C2CD2: variants seen among roughly 807,000 people sequenced by gnomAD.
The protein encoded by C2CD2 is C2 domain-containing protein 2.
Under a neutral mutation model 74.3 loss-of-function variants are expected in C2CD2, and 43 were observed. The observed-to-expected ratio is 0.58, with a 90% CI of 0.45 to 0.75. The LOEUF (loss-of-function observed/expected upper bound fraction) is 0.75, where lower values mean the gene tolerates loss of function less well. Among genes scored for constraint, C2CD2 ranks in the 30% least tolerant of loss-of-function variants. The pLI is 0.00. For synonymous variants in C2CD2, 422 were observed against 390.7 expected (o/e 1.08, Z -0.94); for missense variants, 801 against 916.3 (o/e 0.87, Z 1.63).
chr21:41,944,234 C>T (rs1038761213), intron 1 of C2CD2, among the ~76,000 whole-genome samples: 1 of 152,128 alleles, frequency 6.6e-6, no homozygotes, highest in African/African-American at 2.4e-5. Context: ...AGTTTGCAGC[C>T]GGGTGCCACG....
At chr21:41,946,491 C>G (rs2065398715) in intron 1 of C2CD2, among the ~76,000 whole-genome samples, 1 of 152,168 alleles carries the variant, frequency 6.6e-6, no homozygotes, top group Non-Finnish European at 1.5e-5. Flanking sequence ...CTTTCTCCCC[C>G]TCCTGCTCTG....
intron 3 of C2CD2, among the ~76,000 whole-genome samples, chr21:41,919,952 G>A (rs995977368): frequency 4.6e-5 from 7 of 152,282 alleles, no homozygotes; most frequent in African/African-American, 9.6e-5. Context: ...GGGGGAGCAC[G>A]GGAGAAGAGG....
intron 3 of C2CD2, among the ~76,000 whole-genome samples, chr21:41,919,986 C>A (rs1223443599): frequency 6.6e-6 from 1 of 152,208 alleles, no homozygotes; most frequent in Non-Finnish European, 1.5e-5. Context: ...GACGTGAGGA[C>A]TGCAGGCATC....
Position 41,926,754 on chromosome 21 carries a change from C to T in C2CD2, c.379-4669G>A. 3.4e-6 allele frequency: 1 copy of T among 294,904 alleles called. No homozygotes were observed. The highest frequency in any genetic ancestry group is 5.0e-6 in the Non-Finnish European group (1 of 198,694). 18.3% of individuals were successfully genotyped at this position (294,904 alleles called of 1,614,324 possible). ...AGCTTCCTGTACAGCTGCCTCGGCT[C>T]CTTCTCTTAGAACACTCTAGAGAAC... On this transcript the variant is annotated intron_variant, in intron 2 of 13. Coordinates refer to ENST00000380486, the MANE Select transcript of C2CD2 (RefSeq NM_015500.2). The surrounding 1 kb of genome is among the most constrained non-coding windows in gnomAD (Gnocchi z 8.0).
In C2CD2 at chr21:41,946,612, C is replaced by T. The variant is rs73904791; in HGVS notation, c.280-4367G>A. Among the ~76,000 whole-genome samples the T allele has an allele frequency of 7.6e-4, 116 of 152,302 alleles. 1 individual carries two copies. Among genetic ancestry groups the T allele is most frequent in the African/African-American group, 2.8e-3 (115 of 41,560 alleles). On this transcript the variant is annotated intron_variant, in intron 1 of 13. Coordinates refer to ENST00000380486, the MANE Select transcript of C2CD2 (RefSeq NM_015500.2). ...ACAGCAGAACCATCAGCCAATTAAA[C>T]CTCATTTCTTATAAACCACCAGTCT...
chr21:41,904,324 C>T (rs1483961330), intron 11 of C2CD2, among the ~76,000 whole-genome samples: 2 of 68,026 alleles, frequency 2.9e-5, no homozygotes, highest in South Asian at 5.9e-4. Context: ...GAGAAATCGC[C>T]GCCCCTCGTA....
intron 11 of C2CD2, among the ~76,000 whole-genome samples, chr21:41,904,691 A>C (rs2064939568): frequency 6.6e-6 from 1 of 152,138 alleles, no homozygotes; most frequent in Non-Finnish European, 1.5e-5. Flanking sequence ...CAGGCTGAGA[A>C]TCCAACACCA....
intron 11 of C2CD2, among the ~76,000 whole-genome samples, chr21:41,904,415 G>A (rs913878481): frequency 1.3e-5 from 2 of 152,162 alleles, no homozygotes; most frequent in African/African-American, 2.4e-5. Context: ...CAGCCCGTAC[G>A]GGTTCTCTGC....
chr21:41,918,923 T>C lies in C2CD2; in HGVS notation c.530A>G (p.Gln177Arg), dbSNP rs1379976121. The C allele has an allele frequency of 6.2e-7, 1 of 1,614,228 alleles. No individual in the cohort carries two copies. Among genetic ancestry groups the C allele is most frequent in the African/African-American group, 1.3e-5 (1 of 75,078 alleles). Residue 177 changes from glutamine to arginine, a missense_variant, in exon 4 of 14, where the codon CAG (glutamine) becomes CGG (arginine). Physicochemically the swap from Gln to Arg is conservative, Grantham distance 43. Transcript: ENST00000380486. ...CACACTGATGAAAGACCAGCTAATC[T>C]GGAGGTCCTCTCTCTTCTCCTTCAT... ...FHMKEKREDL[Q>R]ISWSFISVPE...
chr21:41,952,210 G>A (rs753965966), intron 1 of C2CD2, among the ~76,000 whole-genome samples: 3 of 152,218 alleles, frequency 2.0e-5, no homozygotes, highest in Non-Finnish European at 2.9e-5. Context: ...CCTCCAAAAA[G>A]TACAGTCATT....
At position 41,899,489 on chromosome 21, in the gene C2CD2, G is replaced by C. The variant is rs890033004; in HGVS notation, c.1561-127C>G. 1 of 930,886 alleles carries C rather than the reference G, an allele frequency of 1.1e-6. No individual in the cohort carries two copies. Among genetic ancestry groups the C allele is most frequent in the African/African-American group, 1.6e-5 (1 of 60,938 alleles). 57.7% of individuals were successfully genotyped at this position (930,886 alleles called of 1,614,324 possible). A position where few individuals can be genotyped will look rare whatever the true frequency, so the allele number is the denominator to read the frequency against. The stretch of plus-strand genomic sequence containing the variant: ...CAAAGTCTCAGAAGATGCAGCCGTG[G>C]GCCTCATAGAAGGCGCTTATACATC... On this transcript the variant is annotated intron_variant, in intron 12 of 13. Coordinates refer to ENST00000380486, the MANE Select transcript of C2CD2 (RefSeq NM_015500.2). The surrounding 1 kb of genome is among the most constrained non-coding windows in gnomAD (Gnocchi z 4.4).
intron 3 of C2CD2, among the ~76,000 whole-genome samples, chr21:41,921,260 G>A (rs1331214286): frequency 6.6e-6 from 1 of 152,182 alleles, no homozygotes; most frequent in Non-Finnish European, 1.5e-5. Context: ...GCATTGAACT[G>A]GCAGTGACCC....
chr21:41,934,806 A>G (rs2065292663), intron 2 of C2CD2, among the ~76,000 whole-genome samples: 1 of 151,644 alleles, frequency 6.6e-6, no homozygotes. Flanking sequence ...GGAGCAAGGA[A>G]CCATGCTCCT....
At chr21:41,900,229 A>G (rs388034) in intron 12 of C2CD2, among the ~76,000 whole-genome samples, 31,422 of 152,108 alleles carry the variant, frequency 0.21, 3,604 homozygotes, top group Middle Eastern at 0.38. Context: ...AGCCGAGATT[A>G]CGCCACTGCA....
Position 41,914,625 on chromosome 21 carries a change from A to G in C2CD2, c.817T>C (p.Leu273=), listed in dbSNP as rs1359489157. ...GAGGCACCGGGCTCGCTGAGCAGCA[A>G]GACGTGGATGTTCCTCACCAGTAGC... ...LKLLVRNIHV[L]LLSEPGASGH... is the part of the protein sequence containing the mutation. The change falls in exon 6 of 14, where the codon TTG becomes CTG. Residue 273 remains leucine (L), a synonymous_variant. Coordinates refer to ENST00000380486, the MANE Select transcript of C2CD2 (RefSeq NM_015500.2). 1 of 1,613,944 alleles carries G rather than the reference A, an allele frequency of 6.2e-7. No individual in the cohort carries two copies. Among genetic ancestry groups the G allele is most frequent in the Non-Finnish European group, 8.5e-7 (1 of 1,179,852 alleles).
rs2064898234 is a variant in C2CD2 at position 41,901,615 on chromosome 21, A to G, written c.1560+7T>C. 6.8e-6 allele frequency: 11 copies of G among 1,614,046 alleles called. No homozygotes were observed. Among genetic ancestry groups the G allele is most frequent in the Non-Finnish European group, 9.3e-6 (11 of 1,179,982 alleles). On this transcript the variant is annotated splice_region_variant and intron_variant, in intron 12 of 13. Coordinates refer to ENST00000380486, the MANE Select transcript of C2CD2 (RefSeq NM_015500.2). ...GATGAACACCTCCCCAGCCACCACG[A>G]TGGTACCTTGGAGATCCCTGATATG...
intron 5 of C2CD2, among the ~76,000 whole-genome samples, chr21:41,915,928 GAGA>G (rs938623593): frequency 2.6e-5 from 4 of 152,206 alleles, no homozygotes; most frequent in East Asian, 1.9e-4. Context: ...CCCATGCTGT[GAGA>G]AGTTTTCAGG....
intron 8 of C2CD2, 112 bp from the exon 9 acceptor site, chr21:41,907,896 C>A (rs2064983198): frequency 1.8e-6 from 2 of 1,093,760 alleles, no homozygotes; most frequent in Admixed American, 2.0e-5. Context: ...GTGCATCCAG[C>A]CCACGGGGAA....
At chr21:41,918,772 T>C (rs1453069580) in intron 4 of C2CD2, 84 bp downstream of exon 4, 17 of 1,032,416 alleles carry the variant, frequency 1.6e-5, no homozygotes, top group Non-Finnish European at 2.6e-5. Context: ...ACACCAGCCA[T>C]GCACTCAGTT....
Sources: gnomAD v4.1 joint callset for allele counts (sites outside exome capture counted in the v4.1 genomes callset) on GRCh38, gnomAD v4.1.1 for gene constraint, Gnocchi (gnomAD v3.1) non-coding constraint, MANE v1.5 for transcripts, NCBI Gene and HGNC (gene_info 2026-07-23, HGNC 2026-07-21) for gene names.